The following UBE2D2 variants were observed in gnomAD, a reference collection of about 807,000 sequenced individuals.
The protein encoded by UBE2D2 is ubiquitin conjugating enzyme E2 D2.
Under a neutral mutation model 24.2 loss-of-function variants are expected in UBE2D2, and 2 were observed. The observed-to-expected ratio is 0.08, with a 90% CI of 0.03 to 0.26. UBE2D2 has a LOEUF of 0.26. UBE2D2 is among the 10% of genes least tolerant of loss of function. The pLI is 1.00. For synonymous variants in UBE2D2, 58 were observed against 56.5 expected (o/e 1.03, Z -0.12); for missense variants, 44 against 177.6 (o/e 0.25, Z 4.28).
At chr5:139,563,478 C>CAA (rs200066587) in intron 1 of UBE2D2, among the ~76,000 whole-genome samples, 1 of 151,188 alleles carries the variant, frequency 6.6e-6, no homozygotes, top group African/African-American at 2.4e-5. Flanking sequence ...AGTAGTCATC[C>CAA]AAAAAAAATA....
chr5:139,560,659 CTG>C (rs1753055860), upstream of UBE2D2, among the ~76,000 whole-genome samples: 2 of 152,180 alleles, frequency 1.3e-5, no homozygotes, highest in African/African-American at 2.4e-5. Context: ...GGGGCACACA[CTG>C]TGATTTTTTT....
intron 1 of UBE2D2, among the ~76,000 whole-genome samples, chr5:139,528,309 C>T (rs1752562114): frequency 6.6e-6 from 1 of 152,074 alleles, no homozygotes; most frequent in South Asian, 2.1e-4. Context: ...ATTTGGCTAT[C>T]CCTTTCACCC....
chr5:139,585,830 G>A (rs1229424711), intron 1 of UBE2D2, among the ~76,000 whole-genome samples: 1 of 151,278 alleles, frequency 6.6e-6, no homozygotes, highest in East Asian at 1.9e-4. Context: ...ATGAAACATA[G>A]GGAGGCTGAG....
chr5:139,621,714 T>C, intron 5 of UBE2D2, among the ~76,000 whole-genome samples: 1 of 151,946 alleles, frequency 6.6e-6, no homozygotes, highest in East Asian at 1.9e-4. Flanking sequence ...CCTTAACCTC[T>C]TGGGCGTAAG....
chr5:139,625,539 G>A (rs1754606384), intron 6 of UBE2D2, among the ~76,000 whole-genome samples: 1 of 147,316 alleles, frequency 6.8e-6, no homozygotes, highest in Non-Finnish European at 1.5e-5. Flanking sequence ...AACCTCCCAG[G>A]CTCAAGTAGT....
At chr5:139,576,916 C>T (rs1387283064) in intron 1 of UBE2D2, among the ~76,000 whole-genome samples, 2 of 145,500 alleles carry the variant, frequency 1.4e-5, no homozygotes, top group Non-Finnish European at 3.0e-5. Flanking sequence ...CTGAAATATA[C>T]TCCCAGGCTT....
chr5:139,606,022 T>G (rs575449662), intron 2 of UBE2D2, among the ~76,000 whole-genome samples: 1 of 152,254 alleles, frequency 6.6e-6, no homozygotes, highest in South Asian at 2.1e-4. Flanking sequence ...TGATTGCAGC[T>G]GCGAGCTACC....
At chr5:139,605,690 C>T (rs1754183224) in intron 2 of UBE2D2, among the ~76,000 whole-genome samples, 1 of 148,914 alleles carries the variant, frequency 6.7e-6, no homozygotes, top group Non-Finnish European at 1.5e-5. Context: ...CCCTTCCTTT[C>T]CCCCTCCTCC....
chr5:139,547,867 G>C lies in UBE2D2; in HGVS notation c.-64+21255G>C, dbSNP rs907114032. Among the ~76,000 whole-genome samples, 6 of 151,736 alleles carry C rather than the reference G, an allele frequency of 4.0e-5. No homozygotes were observed. In the East Asian group the frequency reaches 5.9e-4, roughly 15 times the overall value. ...CTGCCACCACGCCCAGCTAATTTTT[G>C]TATTTTTAGTAAAGACAGTGTTTCA... On this transcript the variant is annotated intron_variant, in intron 1 of 6. Transcript: ENST00000511725.
chr5:139,572,746 A>G (rs1753376210), intron 1 of UBE2D2, among the ~76,000 whole-genome samples: 1 of 151,602 alleles, frequency 6.6e-6, no homozygotes, highest in African/African-American at 2.4e-5. Flanking sequence ...CTCAGGCCCA[A>G]GCAATTCTCC....
chr5:139,541,628 C>T (rs1213153979), intron 1 of UBE2D2, among the ~76,000 whole-genome samples: 2 of 145,002 alleles, frequency 1.4e-5, no homozygotes, highest in Non-Finnish European at 3.0e-5. Flanking sequence ...AAAAGGTACA[C>T]ATAGGGCTCA....
intron 1 of UBE2D2, among the ~76,000 whole-genome samples, chr5:139,534,333 G>A (rs1752637479): frequency 6.6e-6 from 1 of 151,878 alleles, no homozygotes; most frequent in Non-Finnish European, 1.5e-5. Context: ...TTGGAAGCCT[G>A]AGGCAGGCTG....
chr5:139,530,124 C>CA (rs981636207), intron 1 of UBE2D2, among the ~76,000 whole-genome samples: 3 of 152,190 alleles, frequency 2.0e-5, no homozygotes, highest in African/African-American at 7.2e-5. Flanking sequence ...AATGGTACCA[C>CA]AAAAACAGTT....
In UBE2D2 at chr5:139,553,872, C is replaced by T. The variant is rs183246080; in HGVS notation, c.-64+27260C>T. On this transcript the variant is annotated intron_variant, in intron 1 of 6. Coordinates refer to the UBE2D2 transcript ENST00000511725. ...TTGGCTCACTGCAACCTCTGCCTCC[C>T]AGGTTTAAGCGATTCTCGTGCCTCA... Among the ~76,000 whole-genome samples the T allele has an allele frequency of 4.8e-3, 736 of 152,178 alleles. 1 individual carries two copies. The highest frequency in any genetic ancestry group is 7.1e-3 in the Non-Finnish European group (484 of 68,008).
chr5:139,598,335 A>G (rs759897031), intron 1 of UBE2D2, among the ~76,000 whole-genome samples: 1 of 152,196 alleles, frequency 6.6e-6, no homozygotes, highest in Non-Finnish European at 1.5e-5. Context: ...GTTTTAAAGT[A>G]TAATCAAAAC....
chr5:139,562,246 C>G, intron 1 of UBE2D2: 1 of 1,364,822 alleles, frequency 7.3e-7, no homozygotes, highest in Non-Finnish European at 9.7e-7. Flanking sequence ...TGCCCTAGCT[C>G]CCTCCACAAA....
intron 1 of UBE2D2, among the ~76,000 whole-genome samples, chr5:139,582,765 G>T (rs1753633209): frequency 6.6e-6 from 1 of 150,540 alleles, no homozygotes; most frequent in Non-Finnish European, 1.5e-5. Context: ...CCACCTCCTG[G>T]GTTCACTCCA....
At chr5:139,562,532 G>A (rs75037374) in intron 1 of UBE2D2, 77,816 of 1,030,376 alleles carry the variant, frequency 0.076, 3,486 homozygotes, top group Non-Finnish European at 0.087. Flanking sequence ...CTGTACATTG[G>A]CAAAGGTAGA....
chr5:139,584,942 C>T (rs1023744144), intron 1 of UBE2D2, among the ~76,000 whole-genome samples: 1 of 150,896 alleles, frequency 6.6e-6, no homozygotes, highest in Non-Finnish European at 1.5e-5. Context: ...CTCTTGTTGC[C>T]CAGGCTGGAG....
Sources: gnomAD v4.1 joint callset for allele counts (sites outside exome capture counted in the v4.1 genomes callset) on GRCh38, gnomAD v4.1.1 for gene constraint, MANE v1.5 for transcripts, NCBI Gene and HGNC (gene_info 2026-07-23, HGNC 2026-07-21) for gene names.